The following IQSEC1 variants were observed in gnomAD, a reference collection of about 807,000 sequenced individuals.
The protein encoded by IQSEC1 is IQ motif and Sec7 domain ArfGEF 1.
In IQSEC1, 31 loss-of-function variants were observed where a neutral mutation model predicts 91.0. The ratio of observed to expected loss-of-function variants is 0.34; its 90% confidence interval spans 0.26 to 0.46. IQSEC1 has a LOEUF of 0.46. Ranked by LOEUF, IQSEC1 falls within the 20% of genes least tolerant of loss-of-function variation. The probability of loss-of-function intolerance (pLI) is 1.00; values close to 1 mark genes in which losing one functional copy is unlikely to be tolerated. For synonymous variants in IQSEC1, 699 were observed against 662.6 expected (o/e 1.05, Z -0.84); for missense variants, 1,388 against 1,575.6 (o/e 0.88, Z 2.02).
chr3:13,171,112 A>C (rs868452564), intron 1 of IQSEC1, among the ~76,000 whole-genome samples: 4 of 151,172 alleles, frequency 2.6e-5, no homozygotes, highest in South Asian at 2.1e-4. Context: ...AAAAACAAAA[A>C]AAACAAAAAA....
At chr3:13,150,500 A>G (rs1036292430) in intron 2 of IQSEC1, among the ~76,000 whole-genome samples, 1 of 152,230 alleles carries the variant, frequency 6.6e-6, no homozygotes, top group Non-Finnish European at 1.5e-5. Context: ...CAAGTTATTT[A>G]TTAGAATCTG....
At position 12,967,252 on chromosome 3, in the gene IQSEC1, G is replaced by T; in HGVS notation, c.24-25387C>A. 1 of 695,926 alleles carries T rather than the reference G, an allele frequency of 1.4e-6. No homozygotes were observed. Among genetic ancestry groups the T allele is most frequent in the South Asian group, 2.0e-5 (1 of 48,962 alleles). The allele number at this position is 695,926 out of a possible 1,614,324, so 43.1% of individuals were successfully genotyped here. A position where few individuals can be genotyped will look rare whatever the true frequency, so the allele number is the denominator to read the frequency against. On this transcript the variant is annotated intron_variant, in intron 1 of 13. Transcript: ENST00000613206. The surrounding 1 kb of genome is among the most constrained non-coding windows in gnomAD (Gnocchi z 5.9). ...CAGTCTGGCGGACGCACCCCGCCCC[G>T]CAGGCAGCTTTCTCTCGCACGCCGG...
At chr3:12,957,031 G>A (rs1276964373) in intron 1 of IQSEC1, among the ~76,000 whole-genome samples, 1 of 152,224 alleles carries the variant, frequency 6.6e-6, no homozygotes, top group Non-Finnish European at 1.5e-5. Context: ...TTGTGGCTGG[G>A]CTTGTCCAGG....
At chr3:13,236,605 C>T (rs1392954401) in intron 1 of IQSEC1, among the ~76,000 whole-genome samples, 3 of 152,188 alleles carry the variant, frequency 2.0e-5, no homozygotes, top group African/African-American at 7.2e-5. Context: ...TCTCACTGAG[C>T]CAACCATCCC....
intron 1 of IQSEC1, among the ~76,000 whole-genome samples, chr3:13,249,604 G>A (rs1390499513): frequency 6.6e-6 from 1 of 152,130 alleles, no homozygotes; most frequent in Admixed American, 6.6e-5. Context: ...GAGCTGTTAT[G>A]GAGTTCGAAT....
At chr3:13,116,822 A>G (rs1444624092) in intron 2 of IQSEC1, among the ~76,000 whole-genome samples, 2 of 152,074 alleles carry the variant, frequency 1.3e-5, no homozygotes, top group Admixed American at 1.3e-4. Context: ...ATAAACAAAC[A>G]AAAAAACTGA....
chr3:13,233,621 C>T (rs1694871873), intron 1 of IQSEC1, among the ~76,000 whole-genome samples: 1 of 152,234 alleles, frequency 6.6e-6, no homozygotes, highest in Admixed American at 6.5e-5. Flanking sequence ...ACCCCACTCT[C>T]TTCCCTTCCT....
At chr3:12,918,022 C>T (rs779183348) in intron 6 of IQSEC1, among the ~76,000 whole-genome samples, 15 of 152,144 alleles carry the variant, frequency 9.9e-5, no homozygotes, top group Non-Finnish European at 1.5e-4. Flanking sequence ...ACAAAAAGGA[C>T]AAGCTGTCCA....
intron 1 of IQSEC1, among the ~76,000 whole-genome samples, chr3:13,043,863 T>A (rs1248885525): frequency 6.6e-6 from 1 of 152,168 alleles, no homozygotes; most frequent in African/African-American, 2.4e-5. Context: ...GTGGTCACAC[T>A]CCATTCAGAC....
intron 1 of IQSEC1, among the ~76,000 whole-genome samples, chr3:13,190,008 C>T (rs1693994624): frequency 6.6e-6 from 1 of 152,250 alleles, no homozygotes; most frequent in Non-Finnish European, 1.5e-5. Flanking sequence ...CCAAGCAGCT[C>T]ATGGCCCCAC....
chr3:13,183,865 GA>G (rs11329119), intron 1 of IQSEC1, among the ~76,000 whole-genome samples: 2,559 of 152,252 alleles, frequency 0.017, 82 homozygotes, highest in African/African-American at 0.058. Context: ...GACAAATAAG[GA>G]AAGAGCAAGG....
intron 1 of IQSEC1, among the ~76,000 whole-genome samples, chr3:12,988,748 GTTC>G (rs1438707345): frequency 6.6e-6 from 1 of 152,172 alleles, no homozygotes; most frequent in Non-Finnish European, 1.5e-5. Context: ...TCACACGCAT[GTTC>G]TTATTTTTCT....
chr3:12,915,165 G>A, intron 7 of IQSEC1, 32 bp from the exon 8 acceptor site: 1 of 1,602,156 alleles, frequency 6.2e-7, no homozygotes, highest in Non-Finnish European at 8.5e-7. Context: ...ACAAAAGGGT[G>A]TTCATGTTTC....
At chr3:13,153,509 C>T (rs1265725476) in intron 2 of IQSEC1, among the ~76,000 whole-genome samples, 1 of 152,184 alleles carries the variant, frequency 6.6e-6, no homozygotes, top group Non-Finnish European at 1.5e-5. Flanking sequence ...GCTGCCCTGC[C>T]ACCAAGGGGG....
chr3:13,093,871 C>T (rs771707945), intron 2 of IQSEC1, among the ~76,000 whole-genome samples: 33 of 152,184 alleles, frequency 2.2e-4, no homozygotes, highest in African/African-American at 6.8e-4. Context: ...CGTGATCCAG[C>T]CTGGCCAATC....
At chr3:13,019,112 T>C (rs974639020) in intron 1 of IQSEC1, among the ~76,000 whole-genome samples, 1 of 152,234 alleles carries the variant, frequency 6.6e-6, no homozygotes, top group Non-Finnish European at 1.5e-5. Context: ...CAGAGAGGTT[T>C]AGCAACTTGC....
intron 2 of IQSEC1, among the ~76,000 whole-genome samples, chr3:13,133,070 A>G (rs148681492): frequency 1.2e-4 from 19 of 152,384 alleles, no homozygotes; most frequent in South Asian, 4.1e-4. Context: ...AGGTAACACC[A>G]TATGTCTAAC....
chr3:13,220,502 G>A (rs1247702290), intron 1 of IQSEC1, among the ~76,000 whole-genome samples: 8 of 152,230 alleles, frequency 5.3e-5, no homozygotes, highest in South Asian at 4.1e-4. Flanking sequence ...GGTCTAGACT[G>A]AGAGTCCCTC....
At chr3:13,032,114 T>C (rs139593683) in intron 1 of IQSEC1, among the ~76,000 whole-genome samples, 51 of 152,200 alleles carry the variant, frequency 3.4e-4, no homozygotes, top group African/African-American at 1.1e-3. Context: ...CATACACACT[T>C]TCCCCCTGTA....
Sources: gnomAD v4.1 joint callset for allele counts (sites outside exome capture counted in the v4.1 genomes callset) on GRCh38, gnomAD v4.1.1 for gene constraint, Gnocchi (gnomAD v3.1) non-coding constraint, MANE v1.5 for transcripts, NCBI Gene and HGNC (gene_info 2026-07-23, HGNC 2026-07-21) for gene names.